The following SLC35F4 variants were observed in gnomAD, a reference collection of about 807,000 sequenced individuals.
SLC35F4 encodes the protein solute carrier family 35 member F4.
Under a neutral mutation model 44.2 loss-of-function variants are expected in SLC35F4, and 24 were observed. The observed-to-expected ratio is 0.54, with a 90% CI of 0.39 to 0.76. The LOEUF (loss-of-function observed/expected upper bound fraction) is 0.76. SLC35F4 is among the 30% of genes least tolerant of loss of function. The pLI is 0.00. For missense variants in SLC35F4, 562 were observed against 586.1 expected (o/e 0.96, Z 0.42); for synonymous variants, 238 against 223.6 (o/e 1.06, Z -0.57).
intron 1 of SLC35F4, among the ~76,000 whole-genome samples, chr14:57,902,794 T>A (rs1396216711): frequency 6.6e-6 from 1 of 152,204 alleles, no homozygotes; most frequent in South Asian, 2.1e-4. Flanking sequence ...TACTCTTGAA[T>A]GCTAATGAGC....
At chr14:57,575,581 G>A (rs1039712619) in intron 4 of SLC35F4, among the ~76,000 whole-genome samples, 2 of 152,192 alleles carry the variant, frequency 1.3e-5, no homozygotes, top group African/African-American at 2.4e-5. Flanking sequence ...CCATAAAACT[G>A]CCAATGCCTC....
At chr14:57,600,458 C>T (rs1404993468) in intron 1 of SLC35F4, among the ~76,000 whole-genome samples, 1 of 151,046 alleles carries the variant, frequency 6.6e-6, no homozygotes, top group South Asian at 2.1e-4. Flanking sequence ...TTTGGGAGGC[C>T]AAGGTGGGCG....
At chr14:57,590,790 C>A (rs1009686667) in intron 2 of SLC35F4, among the ~76,000 whole-genome samples, 3 of 152,156 alleles carry the variant, frequency 2.0e-5, no homozygotes, top group African/African-American at 7.2e-5. Context: ...GTTAAAGTAG[C>A]GCAGCCCAGA....
chr14:57,632,697 T>C (rs1408012786), intron 1 of SLC35F4, among the ~76,000 whole-genome samples: 1 of 152,096 alleles, frequency 6.6e-6, no homozygotes, highest in Non-Finnish European at 1.5e-5. Context: ...CTTGGTGTCA[T>C]ACCTTCTATG....
intron 1 of SLC35F4, among the ~76,000 whole-genome samples, chr14:57,923,776 G>A (rs766561942): frequency 1.1e-4 from 17 of 152,232 alleles, no homozygotes; most frequent in Non-Finnish European, 2.5e-4. Context: ...ATTCTCAATA[G>A]AAAGCTGGAA....
chr14:57,940,540 G>C lies in SLC35F4; in HGVS notation n.282+41373C>G, dbSNP rs538216783. Among the ~76,000 whole-genome samples the C allele has an allele frequency of 4.6e-5, 7 of 152,278 alleles. No individual in the cohort carries two copies. In the East Asian group the frequency reaches 1.2e-3, roughly 25 times the overall value. On this transcript the variant is annotated intron_variant and non_coding_transcript_variant, in intron 1 of 1. Transcript: ENST00000556568. ...CTACCAGGCATAGAGGTCCCCTAATGACCAGTGTATGGTTATGCTGCTGCT... is the reference window on the plus strand; with the variant it reads ...CTACCAGGCATAGAGGTCCCCTAATCACCAGTGTATGGTTATGCTGCTGCT...
chr14:57,946,622 G>A (rs1455246612), intron 1 of SLC35F4, among the ~76,000 whole-genome samples: 2 of 151,758 alleles, frequency 1.3e-5, no homozygotes, highest in African/African-American at 4.8e-5. Context: ...TTACAGGCAT[G>A]TGCCACCATG....
intron 1 of SLC35F4, chr14:57,629,704 C>T (rs1437359855): frequency 5.3e-6 from 1 of 188,256 alleles, no homozygotes; most frequent in African/African-American, 2.4e-5. Context: ...AAGATCAATA[C>T]ACATAGATCT....
chr14:57,795,754 C>G (rs191899297), intron 1 of SLC35F4, among the ~76,000 whole-genome samples: 1 of 152,024 alleles, frequency 6.6e-6, no homozygotes, highest in Admixed American at 6.6e-5. Context: ...GATGAACTTA[C>G]GAATAATTTA....
At chr14:57,928,889 A>G (rs150289206) in intron 1 of SLC35F4, among the ~76,000 whole-genome samples, 1 of 152,352 alleles carries the variant, frequency 6.6e-6, no homozygotes, top group Admixed American at 6.5e-5. Flanking sequence ...TACAACTGAA[A>G]AATACAATAA....
In SLC35F4 at chr14:57,865,864, G is replaced by A. The variant is rs1888124371; in HGVS notation, c.-39C>T. On this transcript the variant is annotated 5_prime_UTR_variant, in exon 1 of 8. Transcript: ENST00000556826. ...CGACGGCCCCGAGTGCGGCGGGGCG[G>A]AGAGCGCAGCGCGGGGCCCGGGAGC... 2 of 1,437,248 alleles carry A rather than the reference G, an allele frequency of 1.4e-6. No homozygotes were observed. The highest frequency in any genetic ancestry group is 3.0e-5 in the African/African-American group (2 of 67,356). 89.0% of individuals were successfully genotyped at this position (1,437,248 alleles called of 1,614,324 possible). A position where few individuals can be genotyped will look rare whatever the true frequency, so the allele number is the denominator to read the frequency against.
intron 1 of SLC35F4, among the ~76,000 whole-genome samples, chr14:57,919,529 G>T (rs190586350): frequency 2.6e-4 from 39 of 152,262 alleles, no homozygotes; most frequent in Admixed American, 9.8e-4. Flanking sequence ...TTGTGGGAAA[G>T]CGGGGAAGAA....
chr14:57,577,670 TAA>T (rs1022518397), intron 4 of SLC35F4, among the ~76,000 whole-genome samples: 1 of 148,982 alleles, frequency 6.7e-6, no homozygotes, highest in East Asian at 2.0e-4. Context: ...AACCTTTTTT[TAA>T]AAAAAAAAAA....
chr14:57,815,160 C>A (rs533448346), intron 1 of SLC35F4, among the ~76,000 whole-genome samples: 4 of 152,182 alleles, frequency 2.6e-5, no homozygotes, highest in Non-Finnish European at 5.9e-5. Flanking sequence ...GTTTGCCAAC[C>A]CTTTATTTAG....
chr14:57,976,648 C>T (rs1881227269), downstream of SLC35F4: 1 of 152,188 alleles, frequency 6.6e-6, no homozygotes, highest in Admixed American at 6.5e-5. Context: ...CCATGGACAA[C>T]CATGAACTTA....
At chr14:57,741,507 G>A (rs1451459842) in intron 1 of SLC35F4, among the ~76,000 whole-genome samples, 1 of 151,120 alleles carries the variant, frequency 6.6e-6, no homozygotes, top group African/African-American at 2.4e-5. Flanking sequence ...AAGATCAAAT[G>A]AATGAAATGA....
chr14:57,587,162 A>C (rs867055056), intron 3 of SLC35F4, among the ~76,000 whole-genome samples: 8 of 152,224 alleles, frequency 5.3e-5, no homozygotes, highest in African/African-American at 1.9e-4. Flanking sequence ...GAATGCTTCT[A>C]CACTGTTGGT....
chr14:57,937,569 GAAAAGAGAAAAGAAAAGAAAGAAA>G (rs1289678827), intron 1 of SLC35F4, among the ~76,000 whole-genome samples: 1 of 111,186 alleles, frequency 9.0e-6, no homozygotes. Context: ...GAAAAGAAAA[GAAAAGAGAAAAGAAAAGAAAGAAA>G]AGAAAAGAAA....
intron 1 of SLC35F4, among the ~76,000 whole-genome samples, chr14:57,897,797 A>C (rs1888912056): frequency 6.6e-6 from 1 of 152,186 alleles, no homozygotes. Flanking sequence ...CCTTGCTTCT[A>C]AATGTAGCCC....
Sources: allele counts gnomAD v4.1 joint callset (sites outside exome capture counted in the v4.1 genomes callset), GRCh38; gene constraint gnomAD v4.1.1; transcripts MANE v1.5; gene names NCBI Gene and HGNC (gene_info 2026-07-23, HGNC 2026-07-21).